Variants in DCC observed in about 807,000 individuals in gnomAD.
DCC encodes the protein DCC netrin 1 receptor, also known as netrin receptor DCC.
In DCC, 58 loss-of-function variants were observed where a neutral mutation model predicts 172.5. The ratio of observed to expected loss-of-function variants is 0.34; its 90% CI spans 0.27 to 0.42. DCC has a LOEUF of 0.42. Among genes scored for constraint, DCC ranks in the 10% least tolerant of loss-of-function variants. The pLI is 1.00. For missense variants in DCC, 1,740 were observed against 1,791.0 expected (o/e 0.97, Z 0.51); for synonymous variants, 709 against 644.5 (o/e 1.10, Z -1.52).
At position 53,297,957 on chromosome 18, in the gene DCC, A is replaced by G. The variant is rs149651779; in HGVS notation, c.1912-7621A>G. On this transcript the variant is annotated intron_variant, in intron 12 of 28. Transcript: ENST00000442544. ...TGATAATAATCACTTCCAAAGATGA[A>G]TAATAACCATTCAGGGGGTTTCACT... 7.2e-3 allele frequency among the ~76,000 whole-genome samples: 1,095 copies of G among 152,332 alleles called. 12 individuals are homozygous for G. Among genetic ancestry groups the G allele is most frequent in the Non-Finnish European group, 9.3e-3 (634 of 68,028 alleles).
rs568874826 is a variant in DCC at position 53,436,127 on chromosome 18, T to G, written c.3229+918T>G. ...CTTAACACTGTTCCTCACTCTGATATAAGTGCTCTAATTTGATGTTTACTA... is the reference window on the plus strand; with the variant it reads ...CTTAACACTGTTCCTCACTCTGATAGAAGTGCTCTAATTTGATGTTTACTA... On this transcript the variant is annotated intron_variant, in intron 22 of 28. Coordinates refer to ENST00000442544, the MANE Select transcript of DCC (RefSeq NM_005215.4). Among the ~76,000 whole-genome samples the G allele has an allele frequency of 7.2e-5, 11 of 152,346 alleles. No homozygotes were observed. The South Asian group carries it at 1.4e-3, about 20-fold the overall frequency.
At chr18:53,410,014 T>G (rs921379334) in intron 19 of DCC, among the ~76,000 whole-genome samples, 2 of 152,210 alleles carry the variant, frequency 1.3e-5, no homozygotes, top group African/African-American at 2.4e-5. Context: ...TATTACACTT[T>G]AAACATGTAT....
intron 8 of DCC, among the ~76,000 whole-genome samples, chr18:53,173,137 C>T (rs1164515465): frequency 1.3e-5 from 2 of 152,074 alleles, no homozygotes; most frequent in Non-Finnish European, 2.9e-5. Context: ...AAGCAATTTG[C>T]TGACCTAAAT....
intron 1 of DCC, among the ~76,000 whole-genome samples, chr18:52,739,297 G>C (rs948820306): frequency 1.3e-5 from 2 of 152,020 alleles, no homozygotes; most frequent in African/African-American, 4.8e-5. Flanking sequence ...CATATGTTAT[G>C]ATTTTTCTTT....
At chr18:52,922,055 G>C (rs1370594707) in intron 3 of DCC, among the ~76,000 whole-genome samples, 1 of 145,978 alleles carries the variant, frequency 6.9e-6, no homozygotes, top group Non-Finnish European at 1.5e-5. Context: ...GATTTGAAAA[G>C]TCACTTTGAA....
At chr18:52,956,981 T>A (rs1048731410) in intron 5 of DCC, among the ~76,000 whole-genome samples, 9 of 152,160 alleles carry the variant, frequency 5.9e-5, no homozygotes, top group African/African-American at 2.2e-4. Context: ...GCTTTGAATC[T>A]CTTGCAACTT....
intron 1 of DCC, among the ~76,000 whole-genome samples, chr18:52,351,930 A>T (rs1006561893): frequency 6.6e-6 from 1 of 152,144 alleles, no homozygotes; most frequent in Admixed American, 6.6e-5. Context: ...TCAACCTACC[A>T]TCTACCACTG....
rs575847691 is a variant in DCC at position 53,503,444 on chromosome 18, G to A, written c.4111+3934G>A. 8.5e-5 allele frequency among the ~76,000 whole-genome samples: 13 copies of A among 152,152 alleles called. 1 individual carries two copies. The highest frequency in any genetic ancestry group is 7.7e-4 in the East Asian group (4 of 5,168). ...GCTTTATCTATAGACGTGAATAACC[G>A]TGAGATCTTTACACATTTCATGGAG... On this transcript the variant is annotated intron_variant, in intron 27 of 28. Transcript: ENST00000442544.
At chr18:52,594,805 G>A (rs2033873131) in intron 1 of DCC, among the ~76,000 whole-genome samples, 1 of 152,106 alleles carries the variant, frequency 6.6e-6, no homozygotes, top group South Asian at 2.1e-4. Context: ...CAGATCTTGT[G>A]AGTACTCACT....
intron 7 of DCC, among the ~76,000 whole-genome samples, chr18:53,136,333 TTGTG>T (rs2043742424): frequency 6.6e-6 from 1 of 152,056 alleles, no homozygotes; most frequent in South Asian, 2.1e-4. Context: ...ACAGGTGTGT[TTGTG>T]TGTTGTGAAC....
chr18:52,502,404 A>G (rs2031056226), intron 1 of DCC, among the ~76,000 whole-genome samples: 1 of 152,192 alleles, frequency 6.6e-6, no homozygotes, highest in African/African-American at 2.4e-5. Context: ...CTACGAAACT[A>G]TGCATCTTCA....
At chr18:52,346,586 A>T (rs1983888800) in intron 1 of DCC, among the ~76,000 whole-genome samples, 1 of 152,170 alleles carries the variant, frequency 6.6e-6, no homozygotes, top group Non-Finnish European at 1.5e-5. Context: ...AATGCATAAG[A>T]TTGAATATGC....
intron 1 of DCC, among the ~76,000 whole-genome samples, chr18:52,739,677 G>T (rs1023655742): frequency 1.3e-5 from 2 of 152,186 alleles, no homozygotes; most frequent in Non-Finnish European, 2.9e-5. Flanking sequence ...GGCTTAAAAT[G>T]TATCACTAGC....
At chr18:52,350,087 C>A (rs1490008238) in intron 1 of DCC, among the ~76,000 whole-genome samples, 1 of 152,086 alleles carries the variant, frequency 6.6e-6, no homozygotes, top group Non-Finnish European at 1.5e-5. Context: ...TTATAAGGAC[C>A]AAATAAGACC....
intron 13 of DCC, among the ~76,000 whole-genome samples, chr18:53,319,929 G>T (rs1179895998): frequency 6.6e-6 from 1 of 152,098 alleles, no homozygotes; most frequent in East Asian, 1.9e-4. Context: ...TGAATAACTG[G>T]GTGCTGTAGC....
chr18:53,436,272 T>G lies in DCC; in HGVS notation c.3229+1063T>G, dbSNP rs375210713. Among the ~76,000 whole-genome samples the G allele has an allele frequency of 9.2e-5, 14 of 152,222 alleles. No homozygotes were observed. In the East Asian group the frequency reaches 1.5e-3, roughly 17 times the overall value. On this transcript the variant is annotated intron_variant, in intron 22 of 28. Transcript: ENST00000442544. Reference sequence around the variant, plus strand: ...TAACGTAGTTTTGAAGATGTATCCATGTGTTTACAAATAGCTCTCACTCAT... The same window carrying G: ...TAACGTAGTTTTGAAGATGTATCCAGGTGTTTACAAATAGCTCTCACTCAT...
rs556392753 is a variant in DCC at position 52,868,534 on chromosome 18, G to A, written c.413-37510G>A. Among the ~76,000 whole-genome samples, 144 of 152,338 alleles carry A rather than the reference G, an allele frequency of 9.5e-4. 1 individual carries two copies. The highest frequency in any genetic ancestry group is 3.4e-3 in the African/African-American group (141 of 41,564). On this transcript the variant is annotated intron_variant, in intron 2 of 28. Coordinates refer to ENST00000442544, the MANE Select transcript of DCC (RefSeq NM_005215.4). The stretch of plus-strand genomic sequence containing the variant: ...CATGGCTGACTCCATCTTGCTTCTA[G>A]CACAGGGTGGCTGTCTTTGCTCATT...
At position 53,529,458 on chromosome 18, in the gene DCC, T is replaced by C. The variant is rs567793187; in HGVS notation, c.4255-1106T>C. 6.6e-5 allele frequency among the ~76,000 whole-genome samples: 10 copies of C among 152,228 alleles called. No individual in the cohort carries two copies. In the South Asian group the frequency reaches 2.1e-3, roughly 32 times the overall value. Reference sequence around the variant, plus strand: ...GAATGCGCTAGCCAAGAATAATAAGTAGAACATCTGTATAAGTCAACTAAT... The same window carrying C: ...GAATGCGCTAGCCAAGAATAATAAGCAGAACATCTGTATAAGTCAACTAAT... On this transcript the variant is annotated intron_variant, in intron 28 of 28. Coordinates refer to ENST00000442544, the MANE Select transcript of DCC (RefSeq NM_005215.4).
intron 7 of DCC, among the ~76,000 whole-genome samples, chr18:53,087,499 T>C (rs1400390379): frequency 2.0e-5 from 3 of 152,050 alleles, no homozygotes; most frequent in Middle Eastern, 3.4e-3. Context: ...ATTCTGGATA[T>C]TAGCCCTTTG....
Sources: allele counts gnomAD v4.1 joint callset (sites outside exome capture counted in the v4.1 genomes callset), GRCh38; gene constraint gnomAD v4.1.1; transcripts MANE v1.5; gene names NCBI Gene and HGNC (gene_info 2026-07-23, HGNC 2026-07-21).